The following PHF2 variants were observed in gnomAD, a reference collection of about 807,000 sequenced individuals.
The protein encoded by PHF2 is PHD finger protein 2.
In PHF2, 27 loss-of-function variants were observed where a neutral mutation model predicts 120.5. The observed-to-expected ratio is 0.22, with a 90% CI of 0.17 to 0.31. PHF2 has a LOEUF of 0.31. PHF2 is among the 10% of genes least tolerant of loss of function. PHF2 has a pLI of 1.00. For synonymous variants in PHF2, 568 were observed against 592.5 expected (o/e 0.96, Z 0.60); for missense variants, 1,024 against 1,434.8 (o/e 0.71, Z 4.63).
chr9:93,624,361 G>A (rs1373999587), intron 1 of PHF2, among the ~76,000 whole-genome samples: 1 of 151,952 alleles, frequency 6.6e-6, no homozygotes, highest in Non-Finnish European at 1.5e-5. Context: ...AGCATTGTTG[G>A]TGATGGTGAT....
intron 1 of PHF2, among the ~76,000 whole-genome samples, chr9:93,590,068 A>G (rs2131603970): frequency 6.6e-6 from 1 of 152,336 alleles, no homozygotes; most frequent in African/African-American, 2.4e-5. Flanking sequence ...TGCTGGATAT[A>G]TTCAAATAAG....
intron 4 of PHF2, among the ~76,000 whole-genome samples, chr9:93,646,637 A>C (rs1826265875): frequency 6.6e-6 from 1 of 152,042 alleles, no homozygotes; most frequent in Non-Finnish European, 1.5e-5. Flanking sequence ...TGTGTGCTGG[A>C]GGTGAAATGA....
intron 1 of PHF2, among the ~76,000 whole-genome samples, chr9:93,601,249 A>G (rs10116959): frequency 0.044 from 6,771 of 152,300 alleles, 523 homozygotes; most frequent in African/African-American, 0.15. Flanking sequence ...CTGTCTGCAC[A>G]TATACAGCCA....
chr9:93,651,952 C>T lies in PHF2; in HGVS notation c.603-1227C>T, dbSNP rs149848625. On this transcript the variant is annotated intron_variant, in intron 5 of 21. Coordinates refer to ENST00000359246, the MANE Select transcript of PHF2 (RefSeq NM_005392.4). ...TGTGGGCCGTGATGTGCCCAGACTG[C>T]TGAGGTTTCAGAGGTTGGCAGTGGG... Among the ~76,000 whole-genome samples the T allele has an allele frequency of 2.4e-3, 361 of 152,238 alleles. 2 individuals carry two copies. The highest frequency in any genetic ancestry group is 8.4e-3 in the African/African-American group (349 of 41,546).
chr9:93,659,400 T>C, intron 10 of PHF2, 111 bp from the exon 11 acceptor site: 1 of 843,514 alleles, frequency 1.2e-6, no homozygotes, highest in Non-Finnish European at 2.0e-6. Context: ...GCCCCTCGCC[T>C]CATGCTCATC....
intron 1 of PHF2, among the ~76,000 whole-genome samples, chr9:93,619,070 C>T (rs1039370861): frequency 2.6e-5 from 4 of 151,868 alleles, no homozygotes; most frequent in African/African-American, 7.3e-5. Flanking sequence ...CTGCAGACCT[C>T]GCTTGCCTGT....
intron 17 of PHF2, among the ~76,000 whole-genome samples, chr9:93,671,634 G>A (rs1459866635): frequency 1.4e-5 from 2 of 143,730 alleles, no homozygotes; most frequent in Admixed American, 6.8e-5. Context: ...GTGGATGTAG[G>A]TACAGGTGTA....
Position 93,678,554 on chromosome 9 carries a change from A to G in PHF2, c.*878A>G, listed in dbSNP as rs1422694373. ...GGCGGCCCGAGGACTTACGGTCGGC[A>G]CTTCTCTGTTCTCCCGTGTCAGCGT... On this transcript the variant is annotated 3_prime_UTR_variant, in exon 22 of 22. Coordinates refer to ENST00000359246, the MANE Select transcript of PHF2 (RefSeq NM_005392.4). 2 of 152,492 alleles carry G rather than the reference A, an allele frequency of 1.3e-5. No homozygotes were observed. Among genetic ancestry groups the G allele is most frequent in the African/African-American group, 4.8e-5 (2 of 41,442 alleles). 9.4% of individuals were successfully genotyped at this position (152,492 alleles called of 1,614,324 possible). A position where few individuals can be genotyped will look rare whatever the true frequency, so the allele number is the denominator to read the frequency against.
intron 1 of PHF2, among the ~76,000 whole-genome samples, chr9:93,620,220 C>A (rs1465002398): frequency 6.6e-6 from 1 of 152,136 alleles, no homozygotes; most frequent in Admixed American, 6.5e-5. Flanking sequence ...GAGGGAGAGG[C>A]CCACCTTCTG....
intron 1 of PHF2, among the ~76,000 whole-genome samples, chr9:93,586,007 T>C (rs928369): frequency 0.82 from 124,165 of 152,208 alleles, 50,740 homozygotes; most frequent in East Asian, 0.88. Context: ...TTTAGGGGTT[T>C]AGGCCCATTT....
intron 17 of PHF2, among the ~76,000 whole-genome samples, chr9:93,668,545 CAG>C (rs1826724141): frequency 6.6e-6 from 1 of 152,138 alleles, no homozygotes; most frequent in South Asian, 2.1e-4. Flanking sequence ...TGAGGGCAGA[CAG>C]GGCCAAAAGC....
Position 93,676,692 on chromosome 9 carries a change from C to T in PHF2, c.2931C>T (p.Thr977=). Residue 977 remains threonine (T), a synonymous_variant, in exon 21 of 22, where the codon ACC becomes ACT. Coordinates refer to ENST00000359246, the MANE Select transcript of PHF2 (RefSeq NM_005392.4). ...CCACCTCCATCTCTGCCGGCACCAC[C>T]TCCACCTCCACCACGCCAGCCTCTA... ...STSTSISAGT[T]STSTTPASTT... 1 of 1,405,286 alleles carries T rather than the reference C, an allele frequency of 7.1e-7. No homozygotes were observed. The allele number at this position is 1,405,286 out of a possible 1,614,324, so 87.1% of individuals were successfully genotyped here.
intron 5 of PHF2, among the ~76,000 whole-genome samples, chr9:93,651,573 T>C (rs114306260): frequency 0.056 from 8,522 of 152,160 alleles, 754 homozygotes; most frequent in African/African-American, 0.19. Context: ...CTGGGGTAGC[T>C]CTTGGGGCCT....
At position 93,656,593 on chromosome 9, in the gene PHF2, A is replaced by G. The variant is rs139496293; in HGVS notation, c.1145A>G (p.Lys382Arg). ...YMGKHLLEAF[K>R]GSHKSGKQLP... ...GGGAAGCACCTGCTGGAGGCATTCA[A>G]AGGTACTGGTCACTCCGGGGTGGGC... The change falls in exon 9 of 22, where the codon AAA (lysine) becomes AGA (arginine). Residue 382 changes from lysine (K) to arginine (R), a missense_variant and splice_region_variant. Transcript: ENST00000359246. The surrounding 1 kb of genome is among the most constrained non-coding windows in gnomAD (Gnocchi z 4.1). 1.3e-4 allele frequency: 203 copies of G among 1,610,348 alleles called. No individual in the cohort carries two copies. Among genetic ancestry groups the G allele is most frequent in the Admixed American group, 2.5e-4 (15 of 59,998 alleles).
intron 1 of PHF2, among the ~76,000 whole-genome samples, chr9:93,627,760 G>T (rs566352121): frequency 2.0e-5 from 3 of 152,114 alleles, no homozygotes; most frequent in African/African-American, 7.2e-5. Flanking sequence ...AGATGGTCAC[G>T]TAGGATTTTT....
intron 1 of PHF2, among the ~76,000 whole-genome samples, chr9:93,603,396 C>T (rs536748943): frequency 1.8e-4 from 28 of 152,180 alleles, no homozygotes; most frequent in Non-Finnish European, 1.5e-4. Context: ...GCAGTGGACA[C>T]GGTCTATGTT....
At chr9:93,629,867 G>A in intron 1 of PHF2, 103 bp from the exon 2 acceptor site, 1 of 1,125,354 alleles carries the variant, frequency 8.9e-7, no homozygotes, top group Non-Finnish European at 1.4e-6. Flanking sequence ...TCTGGCCCAG[G>A]TTCCCAGACA....
At chr9:93,675,570 C>A in intron 19 of PHF2, 110 bp from the exon 20 acceptor site, 1 of 808,768 alleles carries the variant, frequency 1.2e-6, no homozygotes, top group Non-Finnish European at 2.0e-6. Context: ...TGTGCTTAGG[C>A]CTGCCTGGCC....
At chr9:93,593,084 C>CAAAAAAAAAAAA (rs200919035) in intron 1 of PHF2, among the ~76,000 whole-genome samples, 1 of 83,380 alleles carries the variant, frequency 1.2e-5, no homozygotes, top group Non-Finnish European at 2.4e-5. Context: ...TCCTTTATGC[C>CAAAAAAAAAAAA]AAAAAAAAAA....
Sources: allele counts gnomAD v4.1 joint callset (sites outside exome capture counted in the v4.1 genomes callset), GRCh38; gene constraint gnomAD v4.1.1; non-coding constraint Gnocchi (gnomAD v3.1); transcripts MANE v1.5; gene names NCBI Gene and HGNC (gene_info 2026-07-23, HGNC 2026-07-21).